GPC3: variants seen among roughly 807,000 people sequenced by gnomAD.
GPC3 encodes glypican 3.
A neutral mutation model predicts 34.4 loss-of-function variants in GPC3; 3 were observed. The observed-to-expected ratio is 0.09, with a 90% CI of 0.04 to 0.23. The LOEUF (loss-of-function observed/expected upper bound fraction) is 0.23, where lower values mean the gene tolerates loss of function less well. Among genes scored for constraint, GPC3 ranks in the 10% least tolerant of loss-of-function variants. The pLI, the probability that GPC3 is intolerant of heterozygous loss-of-function variation, is 1.00. For synonymous variants in GPC3, 177 were observed against 174.0 expected (o/e 1.02, Z -0.13); for missense variants, 351 against 445.6 (o/e 0.79, Z 1.91).
intron 3 of GPC3, among the ~76,000 whole-genome samples, chrX:133,731,064 G>C (rs1024830901): frequency 8.9e-6 from 1 of 112,482 alleles, no homozygotes; most frequent in Non-Finnish European, 1.9e-5. Context: ...GAGAGACAAG[G>C]ATAAGTGAGG....
intron 2 of GPC3, among the ~76,000 whole-genome samples, chrX:133,894,252 G>A (rs1292420192): frequency 8.9e-6 from 1 of 111,999 alleles, no homozygotes; most frequent in Non-Finnish European, 1.9e-5. Flanking sequence ...TAAGGTATAA[G>A]TGAGACAGGC....
chrX:133,790,569 A>G (rs2072150556), intron 2 of GPC3, among the ~76,000 whole-genome samples: 1 of 111,922 alleles, frequency 8.9e-6, no homozygotes, highest in Non-Finnish European at 1.9e-5. Context: ...TACTCCAAAA[A>G]TGCTGACTTA....
chrX:133,617,554 A>G (rs2070180424), intron 6 of GPC3, among the ~76,000 whole-genome samples: 1 of 112,236 alleles, frequency 8.9e-6, no homozygotes, highest in African/African-American at 3.2e-5. Flanking sequence ...AGTGCCAAGC[A>G]TGTACTAAAT....
intron 6 of GPC3, among the ~76,000 whole-genome samples, chrX:133,656,415 ACCAC>A (rs772758614): frequency 8.9e-6 from 1 of 112,131 alleles, no homozygotes; most frequent in Non-Finnish European, 1.9e-5. Flanking sequence ...GTCTAGCTCT[ACCAC>A]TTACTGTATG....
intron 2 of GPC3, among the ~76,000 whole-genome samples, chrX:133,886,349 T>TAA (rs768736902): frequency 1.1e-5 from 1 of 94,622 alleles, no homozygotes; most frequent in Admixed American, 1.2e-4. Flanking sequence ...GTCCCTATTT[T>TAA]AAAAAAAAAA....
At position 133,953,288 on chromosome X, in the gene GPC3, C is replaced by T. The variant is rs951639310; in HGVS notation, c.176-77G>A. ...CACCCACACCCACACCACCCCCACC[C>T]CCTACACACACACTCACACATGGCA... On this transcript the variant is annotated intron_variant, in intron 1 of 7. Transcript: ENST00000370818. The T allele has an allele frequency of 7.6e-6, 6 of 789,254 alleles. No homozygotes were observed. In the African/African-American group the frequency reaches 1.2e-4, roughly 16 times the overall value. The allele number at this position is 789,254 out of a possible 1,213,427, so 65.0% of individuals were successfully genotyped here.
rs2075928221 is a variant in GPC3 at position 133,860,029 on chromosome X, C to T, written c.337+93021G>A. Among the ~76,000 whole-genome samples the T allele has an allele frequency of 2.7e-5, 3 of 111,049 alleles. No homozygotes were observed. In the Admixed American group the frequency reaches 2.9e-4, roughly 11 times the overall value. The stretch of plus-strand genomic sequence containing the variant: ...CTGGAAACTAACAGAATGAAACTCA[C>T]TCATTATCTTGAGGACAGCACCAAG... On this transcript the variant is annotated intron_variant, in intron 2 of 7. Coordinates refer to ENST00000370818, the MANE Select transcript of GPC3 (RefSeq NM_004484.4).
rs2071153160 is a variant in GPC3 at position 133,700,016 on chromosome X, A to G, written c.1045T>C (p.Cys349Arg). 2 of 1,189,831 alleles carry G rather than the reference A, an allele frequency of 1.7e-6. No homozygotes were observed. Among genetic ancestry groups the G allele is most frequent in the Middle Eastern group, 4.9e-4 (2 of 4,090 alleles). ...GKLTTTIGKLCAHSQQRQYRS... is the reference protein window; with the variant it reads ...GKLTTTIGKLRAHSQQRQYRS... Reference sequence around the variant, plus strand: ...TATTGGCGTTGTTGAGAATGGGCACATAACTTGCCAATCTGAAAAAAGAAA... The same window carrying G: ...TATTGGCGTTGTTGAGAATGGGCACGTAACTTGCCAATCTGAAAAAAGAAA... Residue 349 changes from cysteine to arginine, a missense_variant, in exon 4 of 8, where the codon TGT (cysteine) becomes CGT (arginine). By Grantham distance (180) the Cys-to-Arg change is radical. Transcript: ENST00000370818.
intron 3 of GPC3, among the ~76,000 whole-genome samples, chrX:133,721,928 T>C (rs778474269): frequency 8.9e-6 from 1 of 111,738 alleles, no homozygotes; most frequent in South Asian, 3.7e-4. Flanking sequence ...AAAAAATAGA[T>C]GAAATGGACT....
chrX:133,762,980 C>T lies in GPC3; in HGVS notation c.338-8804G>A, dbSNP rs1435553577. On this transcript the variant is annotated intron_variant, in intron 2 of 7. Coordinates refer to ENST00000370818, the MANE Select transcript of GPC3 (RefSeq NM_004484.4). The stretch of plus-strand genomic sequence containing the variant: ...ACCTGGGAGAATCTTCTGCTGGCAG[C>T]TCGTACCATTGTTGCCATTGAAAAC... The T allele has an allele frequency of 1.2e-5, 8 of 688,259 alleles. No individual in the cohort carries two copies. In the Admixed American group the frequency reaches 1.8e-4, roughly 15 times the overall value. The allele number at this position is 688,259 out of a possible 1,213,427, so 56.7% of individuals were successfully genotyped here. A position where few individuals can be genotyped will look rare whatever the true frequency, so the allele number is the denominator to read the frequency against.
In GPC3 at chrX:133,893,146, A is replaced by C. The variant is rs1276477356; in HGVS notation, c.337+59904T>G. Among the ~76,000 whole-genome samples, 3 of 111,058 alleles carry C rather than the reference A, an allele frequency of 2.7e-5. No homozygotes were observed. In the East Asian group the frequency reaches 8.5e-4, roughly 31 times the overall value. ...GTGGCGGGCACCTGTAATCCTGGCT[A>C]CTTAGGAGGCTGAGACAGGAGAATC... On this transcript the variant is annotated intron_variant, in intron 2 of 7. Coordinates refer to ENST00000370818, the MANE Select transcript of GPC3 (RefSeq NM_004484.4).
At chrX:133,544,095 G>T (rs1485806464) in intron 7 of GPC3, among the ~76,000 whole-genome samples, 1 of 111,692 alleles carries the variant, frequency 9.0e-6, no homozygotes, top group Admixed American at 9.5e-5. Flanking sequence ...GCTGGGCATG[G>T]TGGCGTGTGC....
intron 6 of GPC3, among the ~76,000 whole-genome samples, chrX:133,659,431 CCTTG>C (rs1377559380): frequency 5.5e-4 from 62 of 111,809 alleles, no homozygotes; most frequent in Non-Finnish European, 2.1e-4. Flanking sequence ...ACTGCCCCTC[CCTTG>C]CTTGTCTTTA....
chrX:133,755,388 G>A lies in GPC3; in HGVS notation c.338-1212C>T, dbSNP rs1237111472. Among the ~76,000 whole-genome samples the A allele has an allele frequency of 2.7e-5, 3 of 111,598 alleles. No homozygotes were observed. The East Asian group carries it at 8.5e-4, about 32-fold the overall frequency. On this transcript the variant is annotated intron_variant, in intron 2 of 7. Transcript: ENST00000370818. ...CATTTCAGTCATCTGTGGCAGAAGT[G>A]AGCTCTAGGTTGTGCTACCACCATC...
At chrX:133,764,941 C>A (rs952670496) in intron 2 of GPC3, among the ~76,000 whole-genome samples, 11 of 111,512 alleles carry the variant, frequency 9.9e-5, no homozygotes, top group African/African-American at 3.6e-4. Context: ...AACATTCTCA[C>A]GGCTAAGAAA....
chrX:133,669,319 C>G (rs2124408902), intron 5 of GPC3, among the ~76,000 whole-genome samples: 1 of 112,386 alleles, frequency 8.9e-6, no homozygotes, highest in South Asian at 3.7e-4. Flanking sequence ...TTAGTGCATC[C>G]CCTGCCTTTG....
chrX:133,716,118 T>C (rs1272038021), intron 3 of GPC3, among the ~76,000 whole-genome samples: 3 of 111,966 alleles, frequency 2.7e-5, no homozygotes, highest in Non-Finnish European at 1.9e-5. Flanking sequence ...ACAGAATTGG[T>C]TGAGAAAAGT....
intron 7 of GPC3, among the ~76,000 whole-genome samples, chrX:133,546,413 TAAAAA>T (rs368392545): frequency 9.3e-6 from 1 of 107,076 alleles, no homozygotes; most frequent in Non-Finnish European, 1.9e-5. Flanking sequence ...AAAAAAAACT[TAAAAA>T]AAAACCATTA....
intron 2 of GPC3, among the ~76,000 whole-genome samples, chrX:133,890,868 A>C (rs928627688): frequency 1.9e-5 from 2 of 107,102 alleles, no homozygotes; most frequent in African/African-American, 3.4e-5. Flanking sequence ...CTCAAAAAAA[A>C]AAAAAAAAAA....
Sources: allele counts gnomAD v4.1 joint callset (sites outside exome capture counted in the v4.1 genomes callset), GRCh38; gene constraint gnomAD v4.1.1; transcripts MANE v1.5; gene names NCBI Gene and HGNC (gene_info 2026-07-23, HGNC 2026-07-21).